NFASC: variants seen among roughly 807,000 people sequenced by gnomAD.
NFASC encodes neurofascin, also known as neurofascin homolog.
NFASC carries 43 observed loss-of-function variants against 147.5 expected under a neutral mutation model. That is an observed-to-expected ratio of 0.29 (90% CI 0.23 to 0.38). The LOEUF (loss-of-function observed/expected upper bound fraction) is 0.38. Among genes scored for constraint, NFASC ranks in the 10% least tolerant of loss-of-function variants. NFASC has a pLI of 1.00. For missense variants in NFASC, 1,320 were observed against 1,689.0 expected (o/e 0.78, Z 3.83); for synonymous variants, 622 against 665.5 (o/e 0.93, Z 1.01).
intron 2 of NFASC, among the ~76,000 whole-genome samples, chr1:204,926,396 ATATATATATATTTTTTTTTTTTT>A (rs1197842761): frequency 1.0e-3 from 36 of 35,556 alleles, no homozygotes; most frequent in Middle Eastern, 0.03. Context: ...ATATATATAT[ATATATATATATTTTTTTTTTTTT>A]TTTTTTTTTT....
intron 2 of NFASC, among the ~76,000 whole-genome samples, chr1:204,933,360 A>C (rs995309977): frequency 6.6e-6 from 1 of 152,144 alleles, no homozygotes; most frequent in African/African-American, 2.4e-5. Flanking sequence ...ATGCCTGGGT[A>C]TGGGCTATGA....
chr1:205,001,620 G>T (rs1169042673), intron 26 of NFASC, among the ~76,000 whole-genome samples: 1 of 152,246 alleles, frequency 6.6e-6, no homozygotes, highest in Non-Finnish European at 1.5e-5. Flanking sequence ...TCTGTCCTCT[G>T]CATTGATCTC....
intron 1 of NFASC, among the ~76,000 whole-genome samples, chr1:204,867,950 C>CCTGTCACAG (rs1486873226): frequency 1.3e-4 from 20 of 152,232 alleles, no homozygotes; most frequent in African/African-American, 4.8e-4. Flanking sequence ...GACAGGCCCT[C>CCTGTCACAG]GAGGCAGTCA....
chr1:204,843,666 C>T lies in NFASC; in HGVS notation c.-200+14884C>T, dbSNP rs60358984. On this transcript the variant is annotated intron_variant, in intron 1 of 29. Transcript: ENST00000339876. Reference sequence around the variant, plus strand: ...TCCCTCCCTCCCTCCCTTCCTTCCTCCCTCCCTTCCTCCCTTCCTTTCTCC... The same window carrying T: ...TCCCTCCCTCCCTCCCTTCCTTCCTTCCTCCCTTCCTCCCTTCCTTTCTCC... 3.3e-3 allele frequency among the ~76,000 whole-genome samples: 289 copies of T among 86,580 alleles called. 2 individuals carry two copies. Among genetic ancestry groups the T allele is most frequent in the African/African-American group, 0.012 (247 of 21,126 alleles). 56.8% of individuals were successfully genotyped at this position (86,580 alleles called of 152,430 possible). A position where few individuals can be genotyped will look rare whatever the true frequency, so the allele number is the denominator to read the frequency against.
At chr1:205,008,637 A>G in intron 27 of NFASC, 1 of 152,630 alleles carries the variant, frequency 6.6e-6, no homozygotes, top group Non-Finnish European at 1.5e-5. Context: ...GTCATCAAGG[A>G]CACCCTCAGG....
chr1:204,976,634 A>T (rs1558331345), intron 15 of NFASC, 37 bp from the exon 16 acceptor site: 1 of 1,521,434 alleles, frequency 6.6e-7, no homozygotes, highest in Non-Finnish European at 9.1e-7. Context: ...GCACTCCCCT[A>T]CCCCCTCCTC....
rs2094160826 is a variant in NFASC at position 204,952,133 on chromosome 1, A to T, written c.215+17A>T. 1 of 1,581,884 alleles carries T rather than the reference A, an allele frequency of 6.3e-7. No homozygotes were observed. Among genetic ancestry groups the T allele is most frequent in the Admixed American group, 1.7e-5 (1 of 59,840 alleles). On this transcript the variant is annotated intron_variant, in intron 5 of 29. Coordinates refer to ENST00000339876, the MANE Select transcript of NFASC (RefSeq NM_001005388.3). ...TGCCCCCAGGTGAGTGAAGGGGAAA[A>T]AGAGTGCATTGAAACCACCCGCTTG...
chr1:204,906,314 C>T (rs2085850754), intron 1 of NFASC, among the ~76,000 whole-genome samples: 1 of 152,174 alleles, frequency 6.6e-6, no homozygotes, highest in Non-Finnish European at 1.5e-5. Context: ...AAGCAAGATA[C>T]AGAACATTTC....
chr1:205,000,271 C>T (rs1395554966), intron 25 of NFASC: 1 of 152,202 alleles, frequency 6.6e-6, no homozygotes, highest in Non-Finnish European at 1.5e-5. Flanking sequence ...GAAGGCTTCA[C>T]ATTGTCTTTA....
At chr1:205,007,887 A>G (rs1279953254) in intron 27 of NFASC, among the ~76,000 whole-genome samples, 1 of 152,168 alleles carries the variant, frequency 6.6e-6, no homozygotes, top group African/African-American at 2.4e-5. Flanking sequence ...AAAGCAAGGA[A>G]GTGATTCAGT....
rs55784616 is a variant in NFASC at position 204,839,368 on chromosome 1, A to AACAC, written c.-200+10633_-200+10636dup. 6.7e-3 allele frequency among the ~76,000 whole-genome samples: 899 copies of AACAC among 135,154 alleles called. 5 individuals carry two copies. The highest frequency in any genetic ancestry group is 0.013 in the South Asian group (48 of 3,642). The allele number at this position is 135,154 out of a possible 152,430, so 88.7% of individuals were successfully genotyped here. A position where few individuals can be genotyped will look rare whatever the true frequency, so the allele number is the denominator to read the frequency against. The stretch of plus-strand genomic sequence containing the variant: ...GGAGAGGAAAGGCAGGCACGTATGA[A>AACAC]ACACACACACACACACACACACACA... On this transcript the variant is annotated intron_variant, in intron 1 of 29. Transcript: ENST00000339876.
chr1:204,847,110 C>T (rs1010245016), intron 1 of NFASC, among the ~76,000 whole-genome samples: 2 of 152,058 alleles, frequency 1.3e-5, no homozygotes, highest in African/African-American at 4.8e-5. Context: ...GGTTATTTGC[C>T]TTAACCACCA....
At chr1:204,866,180 G>A (rs1422566406) in intron 1 of NFASC, among the ~76,000 whole-genome samples, 2 of 152,150 alleles carry the variant, frequency 1.3e-5, no homozygotes, top group African/African-American at 2.4e-5. Context: ...GCTCAGGTCC[G>A]GAGGCTGGAG....
intron 21 of NFASC, among the ~76,000 whole-genome samples, chr1:204,985,245 G>GC (rs2095593241): frequency 6.6e-6 from 1 of 152,016 alleles, no homozygotes; most frequent in East Asian, 1.9e-4. Context: ...TCATTCCACT[G>GC]CCCCCTCCAA....
intron 1 of NFASC, among the ~76,000 whole-genome samples, chr1:204,892,992 G>A (rs1425848684): frequency 6.6e-5 from 10 of 152,226 alleles, no homozygotes; most frequent in South Asian, 6.2e-4. Flanking sequence ...TTGTTAGGAA[G>A]CAAAAAAACA....
intron 7 of NFASC, among the ~76,000 whole-genome samples, chr1:204,955,951 G>C (rs2094404041): frequency 6.6e-6 from 1 of 152,196 alleles, no homozygotes; most frequent in African/African-American, 2.4e-5. Flanking sequence ...CTCAATCACT[G>C]TCTCTCTCTT....
intron 21 of NFASC, chr1:204,983,983 G>C (rs968776354): frequency 7.3e-6 from 10 of 1,376,782 alleles, no homozygotes; most frequent in Non-Finnish European, 1.0e-5. Flanking sequence ...AGCAACTGTA[G>C]AGTCCTGCCT....
In NFASC at chr1:204,968,852, G is replaced by A. The variant is rs1275307406; in HGVS notation, c.873G>A (p.Lys291=). Residue 291 remains lysine (K), a synonymous_variant, in exon 10 of 30, where the codon AAG becomes AAA. Transcript: ENST00000339876. This position sits in a 1 kb window ranked among gnomAD's most constrained non-coding sequence, Gnocchi z 5.4. ...AAGGTGGGGACCTCCCATCTGATAA[G>A]GCCAAGTTTGAGAACTTTAATAAGG... ...YKKGGDLPSD[K]AKFENFNKAL... The A allele has an allele frequency of 7.4e-6, 12 of 1,613,936 alleles. No homozygotes were observed. The highest frequency in any genetic ancestry group is 1.7e-6 in the Non-Finnish European group (2 of 1,180,022).
rs2095087880 is a variant in NFASC, at chr1:204,968,689, C to T, written c.819-109C>T. 1 of 955,574 alleles carries T rather than the reference C, an allele frequency of 1.0e-6. No homozygotes were observed. Among genetic ancestry groups the T allele is most frequent in the Non-Finnish European group, 1.5e-6 (1 of 646,790 alleles). The allele number at this position is 955,574 out of a possible 1,614,324, so 59.2% of individuals were successfully genotyped here. A position where few individuals can be genotyped will look rare whatever the true frequency, so the allele number is the denominator to read the frequency against. On this transcript the variant is annotated intron_variant, in intron 9 of 29. Coordinates refer to ENST00000339876, the MANE Select transcript of NFASC (RefSeq NM_001005388.3). The surrounding 1 kb of genome is among the most constrained non-coding windows in gnomAD (Gnocchi z 5.4). ...GATCAGCTTTTAGAGGACATGCATCCTCCTGGGCCCAAGTATACTTTTAGG... is the reference window on the plus strand; with the variant it reads ...GATCAGCTTTTAGAGGACATGCATCTTCCTGGGCCCAAGTATACTTTTAGG...
Sources: allele counts gnomAD v4.1 joint callset (sites outside exome capture counted in the v4.1 genomes callset), GRCh38; gene constraint gnomAD v4.1.1; non-coding constraint Gnocchi (gnomAD v3.1); transcripts MANE v1.5; gene names NCBI Gene and HGNC (gene_info 2026-07-23, HGNC 2026-07-21).